The following ADAMTS6 variants were observed in gnomAD, a reference collection of about 807,000 sequenced individuals.
ADAMTS6 encodes A disintegrin and metalloproteinase with thrombospondin motifs 6.
In ADAMTS6, 23 loss-of-function variants were observed where a neutral mutation model predicts 144.3. That is an observed-to-expected ratio of 0.16 (90% CI 0.11 to 0.23). The LOEUF is 0.23. ADAMTS6 is among the 10% of genes least tolerant of loss of function. ADAMTS6 has a pLI of 1.00. For missense variants in ADAMTS6, 999 were observed against 1,379.6 expected (o/e 0.72, Z 4.37); for synonymous variants, 444 against 457.5 (o/e 0.97, Z 0.38).
chr5:65,220,013 T>C (rs919343185), intron 18 of ADAMTS6, among the ~76,000 whole-genome samples: 1 of 152,198 alleles, frequency 6.6e-6, no homozygotes, highest in African/African-American at 2.4e-5. Context: ...AACCAAAGGA[T>C]AGTTGTGTCC....
rs77999720 is a variant in ADAMTS6 at position 65,451,167 on chromosome 5, T to G, written c.1073+308A>C. The G allele has an allele frequency of 7.4e-3, 1,530 of 207,084 alleles. 9 individuals are homozygous for G. Among genetic ancestry groups the G allele is most frequent in the Middle Eastern group, 0.017 (9 of 538 alleles). 12.8% of individuals were successfully genotyped at this position (207,084 alleles called of 1,614,324 possible). On this transcript the variant is annotated intron_variant, in intron 7 of 24. Coordinates refer to ENST00000381055, the MANE Select transcript of ADAMTS6 (RefSeq NM_197941.4). ...CATATGTTTTAATCTTGTTTTAGTA[T>G]GTATTTTGTTCGGTTAACAAATCAT...
At chr5:65,253,815 T>TA in intron 14 of ADAMTS6, among the ~76,000 whole-genome samples, 1 of 23,640 alleles carries the variant, frequency 4.2e-5, no homozygotes, top group Non-Finnish European at 7.5e-5. Context: ...ATTCAATCTT[T>TA]TTTTTTTTTT....
At chr5:65,347,358 T>C (rs1748424331) in intron 7 of ADAMTS6, among the ~76,000 whole-genome samples, 1 of 151,932 alleles carries the variant, frequency 6.6e-6, no homozygotes, top group African/African-American at 2.4e-5. Context: ...TGCTTTATAC[T>C]CAATTGATCT....
chr5:65,346,176 G>T (rs1748299544), intron 7 of ADAMTS6, among the ~76,000 whole-genome samples: 1 of 151,664 alleles, frequency 6.6e-6, no homozygotes, highest in Admixed American at 6.6e-5. Context: ...AGCCAGACAA[G>T]AACATTACAA....
rs1270917300 is a variant in ADAMTS6, at chr5:65,398,832, GAAAGAAAGAAAGAAAGAA to G, written c.1073+52625_1073+52642del. On this transcript the variant is annotated intron_variant, in intron 7 of 24. Transcript: ENST00000381055. Reference sequence around the variant, plus strand: ...AGAAAGAAAGAAAGAAAGAAAGAAAGAAAGAAAGAAAGAAAGAAAAAGAAAGAGAAAGAAAGAAAGAAA... The same window carrying G: ...AGAAAGAAAGAAAGAAAGAAAGAAAGAAAGAAAGAGAAAGAAAGAAAGAAA... 3.9e-3 allele frequency among the ~76,000 whole-genome samples: 555 copies of G among 142,980 alleles called. 7 individuals are homozygous for G. The highest frequency in any genetic ancestry group is 0.015 in the African/African-American group (532 of 36,510). The allele number at this position is 142,980 out of a possible 152,430, so 93.8% of individuals were successfully genotyped here. A position where few individuals can be genotyped will look rare whatever the true frequency, so the allele number is the denominator to read the frequency against.
intron 10 of ADAMTS6, among the ~76,000 whole-genome samples, chr5:65,292,176 C>T (rs1742378336): frequency 6.6e-6 from 1 of 152,052 alleles, no homozygotes; most frequent in Non-Finnish European, 1.5e-5. Context: ...ACATAAAGGT[C>T]GCCAAAACCC....
At chr5:65,314,904 G>C (rs896719935) in intron 9 of ADAMTS6, among the ~76,000 whole-genome samples, 1 of 151,900 alleles carries the variant, frequency 6.6e-6, no homozygotes, top group East Asian at 1.9e-4. Flanking sequence ...CAGAAAGGAA[G>C]GACATCAAAA....
chr5:65,152,283 T>C (rs1340719712), intron 24 of ADAMTS6, among the ~76,000 whole-genome samples: 1 of 152,234 alleles, frequency 6.6e-6, no homozygotes, highest in East Asian at 1.9e-4. Flanking sequence ...ATGAGTCATT[T>C]TTCTTACAGC....
At chr5:65,211,734 C>T (rs970766073) in intron 20 of ADAMTS6, among the ~76,000 whole-genome samples, 42 of 152,178 alleles carry the variant, frequency 2.8e-4, no homozygotes, top group Non-Finnish European at 3.1e-4. Flanking sequence ...TTGCCCCACT[C>T]TATAAGAAAA....
chr5:65,416,724 T>C (rs1755553062), intron 7 of ADAMTS6, among the ~76,000 whole-genome samples: 1 of 144,494 alleles, frequency 6.9e-6, no homozygotes, highest in Admixed American at 7.0e-5. Context: ...CACTCCAGCC[T>C]GGGCAACAGA....
At position 65,473,693 on chromosome 5, in the gene ADAMTS6, T is replaced by C. The variant is rs746271831; in HGVS notation, c.-20A>G. Reference sequence around the variant, plus strand: ...TTCCATAATTTAGAAAACTGGATGATTTTTTTGAGGGCTACCTATGTGCTA... The same window carrying C: ...TTCCATAATTTAGAAAACTGGATGACTTTTTTGAGGGCTACCTATGTGCTA... On this transcript the variant is annotated 5_prime_UTR_variant, in exon 2 of 25. Transcript: ENST00000381055. 144 of 1,580,624 alleles carry C rather than the reference T, an allele frequency of 9.1e-5. No individual in the cohort carries two copies. Among genetic ancestry groups the C allele is most frequent in the Non-Finnish European group, 4.6e-5 (53 of 1,149,806 alleles).
At chr5:65,158,042 T>C (rs1752532768) in intron 24 of ADAMTS6, among the ~76,000 whole-genome samples, 1 of 152,178 alleles carries the variant, frequency 6.6e-6, no homozygotes, top group African/African-American at 2.4e-5. Context: ...ACATTCAACC[T>C]GGAGGTGGTA....
intron 7 of ADAMTS6, among the ~76,000 whole-genome samples, chr5:65,343,525 C>T (rs541609716): frequency 6.6e-6 from 1 of 152,212 alleles, no homozygotes; most frequent in African/African-American, 2.4e-5. Context: ...CCACTTCTCA[C>T]TCTATACAAA....
At chr5:65,182,965 A>C (rs1416820680) in intron 22 of ADAMTS6, among the ~76,000 whole-genome samples, 1 of 152,224 alleles carries the variant, frequency 6.6e-6, no homozygotes, top group Non-Finnish European at 1.5e-5. Flanking sequence ...CTGCAGATCC[A>C]GCCACAAATA....
chr5:65,398,159 T>A (rs1478196239), intron 7 of ADAMTS6, among the ~76,000 whole-genome samples: 1 of 152,210 alleles, frequency 6.6e-6, no homozygotes, highest in Non-Finnish European at 1.5e-5. Context: ...GACGGTGTTG[T>A]TGAGTTCAAC....
intron 9 of ADAMTS6, among the ~76,000 whole-genome samples, chr5:65,316,141 A>C (rs1241209639): frequency 6.6e-6 from 1 of 152,136 alleles, no homozygotes; most frequent in East Asian, 1.9e-4. Context: ...CGAACTCCTG[A>C]GCTCAGGCAA....
chr5:65,231,480 G>A (rs1758242492), intron 15 of ADAMTS6, among the ~76,000 whole-genome samples: 1 of 152,074 alleles, frequency 6.6e-6, no homozygotes, highest in South Asian at 2.1e-4. Flanking sequence ...CATCCAGACA[G>A]GGTACCAATA....
At chr5:65,161,686 G>A (rs1392421492) in intron 24 of ADAMTS6, among the ~76,000 whole-genome samples, 1 of 152,144 alleles carries the variant, frequency 6.6e-6, no homozygotes, top group Non-Finnish European at 1.5e-5. Context: ...ATAAATAGCA[G>A]AGGCTGGCCA....
At position 65,303,174 on chromosome 5, in the gene ADAMTS6, G is replaced by A. The variant is rs114603465; in HGVS notation, c.1224-3043C>T. ...GGAGCATATAATCAAATAACCAGCT[G>A]ATCAATGGTTAAAACTATTCTTTGA... On this transcript the variant is annotated intron_variant, in intron 9 of 24. Transcript: ENST00000381055. 1.2e-3 allele frequency among the ~76,000 whole-genome samples: 179 copies of A among 152,212 alleles called. 1 individual carries two copies. Among genetic ancestry groups the A allele is most frequent in the Non-Finnish European group, 2.0e-3 (136 of 67,950 alleles).
Sources: allele counts gnomAD v4.1 joint callset (sites outside exome capture counted in the v4.1 genomes callset), GRCh38; gene constraint gnomAD v4.1.1; transcripts MANE v1.5; gene names NCBI Gene and HGNC (gene_info 2026-07-23, HGNC 2026-07-21).